RBMXL3: variants seen among roughly 807,000 people sequenced by gnomAD.
RBMXL3 encodes RNA-binding motif protein, X-linked-like-3.
In RBMXL3, 2 loss-of-function variants were observed where a neutral mutation model predicts 0.8. That is an observed-to-expected ratio of 2.54 (90% CI 1.04 to 8.00). The LOEUF is 8.00. Ranked by LOEUF, RBMXL3 falls within the 30% of genes most tolerant of loss-of-function variation. RBMXL3 has a pLI of 0.04. For missense variants in RBMXL3, 1,127 were observed against 1,068.0 expected, an observed-to-expected ratio of 1.06 and a Z score of -0.77; for synonymous variants, 447 against 449.8, an observed-to-expected ratio of 0.99 and a Z score of 0.08.
chrX:115,191,028 C>A lies in RBMXL3; in HGVS notation c.1587C>A (p.Thr529=), dbSNP rs1257782527. ...DANSGGRSPD[T]HSGGHSSSSN... ...ACAGCGGAGGCCGTTCACCCGACAC[C>A]CACAGTGGGGGCCACAGCAGTTCCA... Residue 529 remains threonine, a synonymous_variant, in exon 1 of 1, where the codon ACC becomes ACA. Coordinates refer to ENST00000424776, the MANE Select transcript of RBMXL3 (RefSeq NM_001145346.2). 1.7e-6 allele frequency: 2 copies of A among 1,165,687 alleles called. No homozygotes were observed. Among genetic ancestry groups the A allele is most frequent in the Non-Finnish European group, 1.1e-6 (1 of 872,625 alleles).
In RBMXL3 at chrX:115,190,534, G is replaced by A. The variant is rs1251918139; in HGVS notation, c.1093G>A (p.Ala365Thr). The change falls in exon 1 of 1, where the codon GCC becomes ACC. Residue 365 changes from alanine (A) to threonine (T), a missense_variant. Ala to Thr is a moderately conservative substitution (Grantham distance 58, BLOSUM62 0). Coordinates refer to ENST00000424776, the MANE Select transcript of RBMXL3 (RefSeq NM_001145346.2). ...CTACAGCAGGGACCACTCGCCCAAA[G>A]CCTATAGTGGGGGCCGCAGCAGTTC... The part of the protein sequence containing the change: ...DAYSRDHSPK[A>T]YSGGRSSSSN... 8.6e-7 allele frequency: 1 copy of A among 1,158,728 alleles called. No homozygotes were observed. Among genetic ancestry groups the A allele is most frequent in the East Asian group, 3.3e-5 (1 of 30,398 alleles).
Position 115,192,493 on chromosome X carries a change from G to A in RBMXL3, c.3052G>A (p.Val1018Ile), listed in dbSNP as rs1556561446. ...CCGCTACTCGAGGGGTCGAGACCGGGTAGGCAGACCGGATCGTGGGCTCCC... is the reference window on the plus strand; with the variant it reads ...CCGCTACTCGAGGGGTCGAGACCGGATAGGCAGACCGGATCGTGGGCTCCC... The part of the protein sequence containing the change: ...SDRYSRGRDR[V>I]GRPDRGLPLP... Residue 1018 changes from valine to isoleucine, a missense_variant, in exon 1 of 1, where the codon GTA becomes ATA. Coordinates refer to ENST00000424776, the MANE Select transcript of RBMXL3 (RefSeq NM_001145346.2). 3 of 1,171,249 alleles carry A rather than the reference G, an allele frequency of 2.6e-6. No individual in the cohort carries two copies. The highest frequency in any genetic ancestry group is 3.8e-5 in the South Asian group (2 of 52,850).
In RBMXL3 at chrX:115,190,839, A is replaced by C; in HGVS notation, c.1398A>C (p.Gly466=). 8.7e-7 allele frequency: 1 copy of C among 1,154,600 alleles called. No homozygotes were observed. Among genetic ancestry groups the C allele is most frequent in the African/African-American group, 1.8e-5 (1 of 55,642 alleles). The change falls in exon 1 of 1, where the codon GGA becomes GGC. Residue 466 remains glycine (G), a synonymous_variant. Transcript: ENST00000424776. ...HDSSSWSDCC[G]GGGRYEEYQG... ...GTTCCAGCTGGAGCGACTGCTGCGG[A>C]GGAGGAGGCCGTTATGAGGAGTACC...
At position 115,191,955 on chromosome X, in the gene RBMXL3, C is replaced by CA. The variant is rs782737969; in HGVS notation, c.2515dup (p.Ser839LysfsTer5). 7.7e-6 allele frequency: 9 copies of CA among 1,166,167 alleles called. No individual in the cohort carries two copies. The South Asian group carries it at 1.7e-4, about 22-fold the overall frequency. ...GCGGAGGCCACTCACCCAACGCCTA[C>CA]AGTGGGGGCCGTGACAGTTCCAGCA... On this transcript the variant is annotated frameshift_variant, in exon 1 of 1. Coordinates refer to ENST00000424776, the MANE Select transcript of RBMXL3 (RefSeq NM_001145346.2). LOFTEE classifies it low-confidence loss of function (END_TRUNC).
chrX:115,190,273 G>A lies in RBMXL3; in HGVS notation c.832G>A (p.Asp278Asn), dbSNP rs62601529. 0.043 allele frequency: 50,099 copies of A among 1,151,846 alleles called. 875 individuals are homozygous for A. Among genetic ancestry groups the A allele is most frequent in the Non-Finnish European group, 0.05 (43,552 of 863,644 alleles). 94.9% of individuals were successfully genotyped at this position (1,151,846 alleles called of 1,213,427 possible). A position where few individuals can be genotyped will look rare whatever the true frequency, so the allele number is the denominator to read the frequency against. The change falls in exon 1 of 1, where the codon GAC (aspartate) becomes AAC (asparagine). Residue 278 changes from aspartate to asparagine, a missense_variant. Physicochemically the swap from Asp to Asn is conservative, Grantham distance 23. Transcript: ENST00000424776. ...SVPDYRPLRG[D>N]GNQNGYRGRD... ...CCCGGACTACCGTCCCTTGAGAGGC[G>A]ACGGCAACCAAAATGGCTACAGGGG...
rs2072796472 is a variant in RBMXL3 at position 115,190,788 on chromosome X, C to T, written c.1347C>T (p.Asp449=). 5.1e-6 allele frequency: 6 copies of T among 1,165,522 alleles called. No homozygotes were observed. Among genetic ancestry groups the T allele is most frequent in the East Asian group, 3.3e-5 (1 of 30,629 alleles). Residue 449 remains aspartate (D), a synonymous_variant, in exon 1 of 1, where the codon GAC becomes GAT. Coordinates refer to ENST00000424776, the MANE Select transcript of RBMXL3 (RefSeq NM_001145346.2). ...STDAHSRGRS[D]DAYSGGHDSS... Reference sequence around the variant, plus strand: ...ATGCCCACAGCAGGGGCCGGTCCGACGACGCCTACAGTGGGGGCCATGACA... The same window carrying T: ...ATGCCCACAGCAGGGGCCGGTCCGATGACGCCTACAGTGGGGGCCATGACA...
chrX:115,191,631 G>A lies in RBMXL3; in HGVS notation c.2190G>A (p.Arg730=), dbSNP rs1556559765. The A allele has an allele frequency of 8.6e-7, 1 of 1,159,959 alleles. No homozygotes were observed. The highest frequency in any genetic ancestry group is 2.6e-5 in the Admixed American group (1 of 38,257). The change falls in exon 1 of 1, where the codon CGG becomes CGA. Residue 730 remains arginine, a synonymous_variant. Transcript: ENST00000424776. ...SGGRSPDTYS[R]GHDSSSQSDH... ...GCCGCTCGCCTGACACCTACAGCCGGGGCCACGACAGTTCCAGCCAGAGCG... is the reference window on the plus strand; with the variant it reads ...GCCGCTCGCCTGACACCTACAGCCGAGGCCACGACAGTTCCAGCCAGAGCG...
rs953754605 is a variant in RBMXL3 at position 115,191,932 on chromosome X, G to A, written c.2491G>A (p.Gly831Arg). 12 of 1,164,344 alleles carry A rather than the reference G, an allele frequency of 1.0e-5. No homozygotes were observed. The highest frequency in any genetic ancestry group is 7.3e-5 in the African/African-American group (4 of 55,095). Residue 831 changes from glycine to arginine, a missense_variant, in exon 1 of 1, where the codon GGA becomes AGA. Coordinates refer to ENST00000424776, the MANE Select transcript of RBMXL3 (RefSeq NM_001145346.2). ...AGGTCACTCTCTCGATGCCAACAGC[G>A]GAGGCCACTCACCCAACGCCTACAG... ...NRGHSLDANS[G>R]GHSPNAYSGG...
rs782295622 is a variant in RBMXL3, at chrX:115,191,469, G to A, written c.2028G>A (p.Leu676=). The A allele has an allele frequency of 1.8e-6, 2 of 1,111,180 alleles. No homozygotes were observed. The highest frequency in any genetic ancestry group is 4.6e-5 in the African/African-American group (2 of 43,837). 91.6% of individuals were successfully genotyped at this position (1,111,180 alleles called of 1,213,427 possible). A position where few individuals can be genotyped will look rare whatever the true frequency, so the allele number is the denominator to read the frequency against. ...GCTACGAGGAGTACCGAGGCCGCTT[G>A]CTCGATGCCAACAGTGGAGGCCGCT... ...GGRYEEYRGR[L]LDANSGGRSP... Residue 676 remains leucine, a synonymous_variant, in exon 1 of 1, where the codon TTG becomes TTA. Transcript: ENST00000424776.
In RBMXL3 at chrX:115,192,795, G is replaced by T. The variant is rs183697405; in HGVS notation, c.*150G>T. 1 of 561,639 alleles carries T rather than the reference G, an allele frequency of 1.8e-6. No homozygotes were observed. The highest frequency in any genetic ancestry group is 4.0e-5 in the Admixed American group (1 of 25,080). 46.3% of individuals were successfully genotyped at this position (561,639 alleles called of 1,213,427 possible). ...AAGATCTCCATTTTTATGCTTTTGT[G>T]AGGAAAAACTTAAAATTAGTTTGAA... is the stretch of plus-strand genomic sequence containing the variant. On this transcript the variant is annotated 3_prime_UTR_variant, in exon 1 of 1. Coordinates refer to ENST00000424776, the MANE Select transcript of RBMXL3 (RefSeq NM_001145346.2).
At position 115,190,033 on chromosome X, in the gene RBMXL3, C is replaced by T. The variant is rs374672415; in HGVS notation, c.592C>T (p.Arg198Cys). ...QDGYSGLQPR[R>C]WAGPPHKRAV... is the part of the protein sequence containing the mutation. The stretch of plus-strand genomic sequence containing the variant: ...TGGCTACTCAGGCTTGCAGCCACGG[C>T]GCTGGGCCGGCCCACCCCACAAGAG... Residue 198 changes from arginine (R) to cysteine (C), a missense_variant, in exon 1 of 1, where the codon CGC becomes TGC. Physicochemically the swap from Arg to Cys is radical, Grantham distance 180. Coordinates refer to ENST00000424776, the MANE Select transcript of RBMXL3 (RefSeq NM_001145346.2). The T allele has an allele frequency of 3.8e-4, 434 of 1,156,185 alleles. 2 individuals are homozygous for T. In the East Asian group the frequency reaches 3.9e-3, roughly 10 times the overall value.
In RBMXL3 at chrX:115,191,992, C is replaced by T. The variant is rs1556560595; in HGVS notation, c.2551C>T (p.Arg851Trp). 1.6e-5 allele frequency: 19 copies of T among 1,165,953 alleles called. No homozygotes were observed. Among genetic ancestry groups the T allele is most frequent in the East Asian group, 3.3e-5 (1 of 30,645 alleles). The change falls in exon 1 of 1, where the codon CGG becomes TGG. Residue 851 changes from arginine to tryptophan, a missense_variant. Transcript: ENST00000424776. ...TGACAGTTCCAGCAACAGTTACGAC[C>T]GGAGCCACCGCTATGGAGGAGGAGG... ...GRDSSSNSYDRSHRYGGGGHY... is the reference protein window; with the variant it reads ...GRDSSSNSYDWSHRYGGGGHY...
In RBMXL3 at chrX:115,191,847, C is replaced by T. The variant is rs1057249655; in HGVS notation, c.2406C>T (p.Gly802=). 1.1e-5 allele frequency: 13 copies of T among 1,151,717 alleles called. No homozygotes were observed. In the African/African-American group the frequency reaches 2.4e-4, roughly 21 times the overall value. 94.9% of individuals were successfully genotyped at this position (1,151,717 alleles called of 1,213,427 possible). A position where few individuals can be genotyped will look rare whatever the true frequency, so the allele number is the denominator to read the frequency against. ...GCTCACCCAATGCCTACAGCGGGGG[C>T]CACAACAGTTCCAGCCGGAACGACC... ...GGRSPNAYSG[G]HNSSSRNDPC... is the part of the protein sequence containing the mutation. Residue 802 remains glycine (G), a synonymous_variant, in exon 1 of 1, where the codon GGC becomes GGT. Coordinates refer to ENST00000424776, the MANE Select transcript of RBMXL3 (RefSeq NM_001145346.2).
At position 115,190,843 on chromosome X, in the gene RBMXL3, G is replaced by C; in HGVS notation, c.1402G>C (p.Gly468Arg). 2 of 1,155,089 alleles carry C rather than the reference G, an allele frequency of 1.7e-6. No individual in the cohort carries two copies. Among genetic ancestry groups the C allele is most frequent in the Non-Finnish European group, 2.3e-6 (2 of 865,799 alleles). ...CAGCTGGAGCGACTGCTGCGGAGGA[G>C]GAGGCCGTTATGAGGAGTACCAAGG... ...SSSWSDCCGG[G>R]GRYEEYQGRS... Residue 468 changes from glycine to arginine, a missense_variant, in exon 1 of 1, where the codon GGA (glycine) becomes CGA (arginine). Gly to Arg is a moderately radical substitution (Grantham distance 125). Coordinates refer to ENST00000424776, the MANE Select transcript of RBMXL3 (RefSeq NM_001145346.2).
rs782738165 is a variant in RBMXL3, at chrX:115,190,471, C to T, written c.1030C>T (p.Arg344Cys). 2.7e-4 allele frequency: 316 copies of T among 1,166,264 alleles called. No individual in the cohort carries two copies. Among genetic ancestry groups the T allele is most frequent in the African/African-American group, 7.0e-4 (39 of 55,935 alleles). ...GNSPDACSEG[R>C]SSEALPVVLP... ...CTCGCCCGATGCCTGCAGTGAAGGC[C>T]GCTCGTCCGAGGCCTTGCCAGTCGT... is the stretch of plus-strand genomic sequence containing the variant. Residue 344 changes from arginine (R) to cysteine (C), a missense_variant, in exon 1 of 1, where the codon CGC becomes TGC. Coordinates refer to ENST00000424776, the MANE Select transcript of RBMXL3 (RefSeq NM_001145346.2).
chrX:115,190,252 G>A lies in RBMXL3; in HGVS notation c.811G>A (p.Asp271Asn). 8.6e-7 allele frequency: 1 copy of A among 1,159,533 alleles called. No individual in the cohort carries two copies. Among genetic ancestry groups the A allele is most frequent in the Non-Finnish European group, 1.2e-6 (1 of 867,596 alleles). ...RRYYGHSSVPDYRPLRGDGNQ... is the reference protein window; with the variant it reads ...RRYYGHSSVPNYRPLRGDGNQ... ...CTATTATGGCCACTCCAGTGTCCCG[G>A]ACTACCGTCCCTTGAGAGGCGACGG... Residue 271 changes from aspartate to asparagine, a missense_variant, in exon 1 of 1, where the codon GAC becomes AAC. Coordinates refer to ENST00000424776, the MANE Select transcript of RBMXL3 (RefSeq NM_001145346.2).
chrX:115,190,152 G>A lies in RBMXL3; in HGVS notation c.711G>A (p.Pro237=), dbSNP rs943111238. The part of the protein sequence containing the change: ...AVWGQDGYSG[P]RVREPLPPCR... ...GGGGGCAAGATGGCTACTCAGGCCC[G>A]CGGGTCCGGGAGCCACTGCCCCCGT... The change falls in exon 1 of 1, where the codon CCG becomes CCA. Residue 237 remains proline, a synonymous_variant. Coordinates refer to ENST00000424776, the MANE Select transcript of RBMXL3 (RefSeq NM_001145346.2). 32 of 1,162,825 alleles carry A rather than the reference G, an allele frequency of 2.8e-5. No homozygotes were observed. The highest frequency in any genetic ancestry group is 7.6e-5 in the South Asian group (4 of 52,440).
At position 115,189,600 on chromosome X, in the gene RBMXL3, C is replaced by T; in HGVS notation, c.159C>T (p.Phe53=). The T allele has an allele frequency of 8.5e-7, 1 of 1,169,905 alleles. No individual in the cohort carries two copies. Among genetic ancestry groups the T allele is most frequent in the Non-Finnish European group, 1.1e-6 (1 of 873,985 alleles). Residue 53 remains phenylalanine, a synonymous_variant, in exon 1 of 1, where the codon TTC becomes TTT. Transcript: ENST00000424776. Reference sequence around the variant, plus strand: ...CCAACAAGTCGAGGGGCTTCGCGTTCGTCACCTTCGAAAGCCCTGCAGACG... The same window carrying T: ...CCAACAAGTCGAGGGGCTTCGCGTTTGTCACCTTCGAAAGCCCTGCAGACG... ...RKTNKSRGFA[F]VTFESPADAK...
rs1556556960 is a variant in RBMXL3, at chrX:115,190,235, G to T, written c.794G>T (p.Gly265Val). 8.6e-7 allele frequency: 1 copy of T among 1,163,952 alleles called. No homozygotes were observed. Among genetic ancestry groups the T allele is most frequent in the Non-Finnish European group, 1.1e-6 (1 of 870,497 alleles). The change falls in exon 1 of 1, where the codon GGC becomes GTC. Residue 265 changes from glycine (G) to valine (V), a missense_variant. Transcript: ENST00000424776. ...ALRDYSRRYY[G>V]HSSVPDYRPL... ...AGAGACTACAGCCGCCGCTATTATGGCCACTCCAGTGTCCCGGACTACCGT... is the reference window on the plus strand; with the variant it reads ...AGAGACTACAGCCGCCGCTATTATGTCCACTCCAGTGTCCCGGACTACCGT...
Sources: gnomAD v4.1 joint callset for allele counts on GRCh38, gnomAD v4.1.1 for gene constraint, MANE v1.5 for transcripts, NCBI Gene and HGNC (gene_info 2026-07-23, HGNC 2026-07-21) for gene names.